ST6GALNAC3: variants seen among roughly 807,000 people sequenced by gnomAD.
ST6GALNAC3 encodes ST6 N-acetylgalactosaminide alpha-2,6-sialyltransferase 3.
ST6GALNAC3 carries 25 observed loss-of-function variants against 32.7 expected under a neutral mutation model. That is an observed-to-expected ratio of 0.76 (90% CI 0.56 to 1.07). The LOEUF (loss-of-function observed/expected upper bound fraction) is 1.07, where lower values mean the gene tolerates loss of function less well. Among genes scored for constraint, ST6GALNAC3 ranks in the 50% least tolerant of loss-of-function variants. ST6GALNAC3 has a pLI of 0.00. For missense variants in ST6GALNAC3, 355 were observed against 382.4 expected, an observed-to-expected ratio of 0.93 and a Z score of 0.60; for synonymous variants, 129 against 133.1, an observed-to-expected ratio of 0.97 and a Z score of 0.21.
Position 76,152,002 on chromosome 1 carries a change from A to T in ST6GALNAC3, c.18+77118A>T, listed in dbSNP as rs114163366. ...CTTAAGGCAGAAATTTAAATTTGTGATGACTTTTGAGGCATACTGTACCTG... is the reference window on the plus strand; with the variant it reads ...CTTAAGGCAGAAATTTAAATTTGTGTTGACTTTTGAGGCATACTGTACCTG... On this transcript the variant is annotated intron_variant, in intron 1 of 4. Coordinates refer to ENST00000328299, the MANE Select transcript of ST6GALNAC3 (RefSeq NM_152996.4). Among the ~76,000 whole-genome samples the T allele has an allele frequency of 6.7e-3, 1,025 of 152,226 alleles. 17 individuals carry two copies. Among genetic ancestry groups the T allele is most frequent in the African/African-American group, 0.024 (976 of 41,530 alleles).
At chr1:76,196,268 C>G (rs928568247) in intron 1 of ST6GALNAC3, among the ~76,000 whole-genome samples, 1 of 152,092 alleles carries the variant, frequency 6.6e-6, no homozygotes, top group Non-Finnish European at 1.5e-5. Context: ...ATTGCTGGGC[C>G]TTGCTTCTGG....
intron 1 of ST6GALNAC3, among the ~76,000 whole-genome samples, chr1:76,308,915 A>G (rs1473011855): frequency 2.0e-5 from 3 of 152,222 alleles, no homozygotes; most frequent in Non-Finnish European, 4.4e-5. Context: ...AACTCTGTCT[A>G]GAATCATCTC....
At position 76,350,680 on chromosome 1, in the gene ST6GALNAC3, T is replaced by C. The variant is rs115274695; in HGVS notation, c.213+36681T>C. Among the ~76,000 whole-genome samples, 468 of 152,292 alleles carry C rather than the reference T, an allele frequency of 3.1e-3. 3 individuals are homozygous for C. Among genetic ancestry groups the C allele is most frequent in the African/African-American group, 0.01 (430 of 41,554 alleles). ...GGCTTCATAGATAAGCCTTGTGTTA[T>C]ATCAACTCTGTGACATAGATTAAAA... On this transcript the variant is annotated intron_variant, in intron 2 of 4. Coordinates refer to ENST00000328299, the MANE Select transcript of ST6GALNAC3 (RefSeq NM_152996.4).
At chr1:76,562,076 T>A (rs1188683422) in intron 3 of ST6GALNAC3, among the ~76,000 whole-genome samples, 1 of 152,142 alleles carries the variant, frequency 6.6e-6, no homozygotes, top group African/African-American at 2.4e-5. Flanking sequence ...AGTTGTTTCC[T>A]GGGGCTGGGA....
chr1:76,086,456 A>C (rs992402255), intron 1 of ST6GALNAC3, among the ~76,000 whole-genome samples: 3 of 152,142 alleles, frequency 2.0e-5, no homozygotes, highest in African/African-American at 7.2e-5. Flanking sequence ...CTAGAGGCTC[A>C]TATTTGTGTA....
At chr1:76,467,078 A>AT (rs927822645) in intron 3 of ST6GALNAC3, among the ~76,000 whole-genome samples, 2 of 152,076 alleles carry the variant, frequency 1.3e-5, no homozygotes, top group African/African-American at 4.8e-5. Context: ...GAGAATTGGC[A>AT]TTTATATGAT....
chr1:76,414,250 C>G (rs1036314798), intron 3 of ST6GALNAC3, among the ~76,000 whole-genome samples: 1 of 151,902 alleles, frequency 6.6e-6, no homozygotes, highest in African/African-American at 2.4e-5. Flanking sequence ...GTAGAGTTAC[C>G]AAAATGAGAG....
chr1:76,192,182 G>A (rs1266012749), intron 1 of ST6GALNAC3, among the ~76,000 whole-genome samples: 1 of 152,132 alleles, frequency 6.6e-6, no homozygotes, highest in Non-Finnish European at 1.5e-5. Context: ...TAAAATGTGG[G>A]ACTGTTTTGA....
intron 3 of ST6GALNAC3, among the ~76,000 whole-genome samples, chr1:76,451,647 A>G (rs1364007546): frequency 3.3e-5 from 5 of 152,106 alleles, no homozygotes; most frequent in Non-Finnish European, 7.4e-5. Flanking sequence ...TTGGTTAGGT[A>G]TATTCCTAAG....
intron 3 of ST6GALNAC3, among the ~76,000 whole-genome samples, chr1:76,443,289 G>A (rs996067710): frequency 4.4e-4 from 67 of 152,110 alleles, no homozygotes; most frequent in Non-Finnish European, 5.7e-4. Flanking sequence ...AAGTAGCTGG[G>A]ACTATAGGCA....
At position 76,412,241 on chromosome 1, in the gene ST6GALNAC3, T is replaced by C; in HGVS notation, c.447T>C (p.Thr149=). Residue 149 remains threonine, a synonymous_variant, in exon 3 of 5, where the codon ACT becomes ACC. Transcript: ENST00000328299. ...NPDYFFKEAN[T]TIYVIWGPFR... ...ATTATTTTTTCAAGGAAGCGAATAC[T>C]ACTATTTATGTTATTTGGGGACCTT... 6.2e-7 allele frequency: 1 copy of C among 1,613,782 alleles called. No individual in the cohort carries two copies.
intron 1 of ST6GALNAC3, among the ~76,000 whole-genome samples, chr1:76,161,565 A>G (rs1046892715): frequency 3.9e-5 from 6 of 152,302 alleles, no homozygotes; most frequent in African/African-American, 1.4e-4. Context: ...CTAATCACCC[A>G]AGGATGCTTT....
chr1:76,413,059 C>A, intron 3 of ST6GALNAC3: 2 of 303,082 alleles, frequency 6.6e-6, no homozygotes, highest in South Asian at 2.9e-5. Context: ...TTTATTACAT[C>A]CATGTTTTTT....
At chr1:76,602,354 T>C (rs1464160277) in intron 3 of ST6GALNAC3, among the ~76,000 whole-genome samples, 1 of 152,000 alleles carries the variant, frequency 6.6e-6, no homozygotes, top group Non-Finnish European at 1.5e-5. Flanking sequence ...CGTGTGCCTG[T>C]GCATGTAGAA....
At chr1:76,291,230 G>A (rs750193384) in intron 1 of ST6GALNAC3, among the ~76,000 whole-genome samples, 21 of 152,238 alleles carry the variant, frequency 1.4e-4, no homozygotes, top group Non-Finnish European at 2.9e-4. Context: ...ACGGCATATC[G>A]AAAGGGTTTC....
chr1:76,456,576 A>G (rs1027583915), intron 3 of ST6GALNAC3, among the ~76,000 whole-genome samples: 3 of 152,226 alleles, frequency 2.0e-5, no homozygotes, highest in African/African-American at 7.2e-5. Context: ...GTAATCCAGC[A>G]TATATACAGA....
intron 2 of ST6GALNAC3, among the ~76,000 whole-genome samples, chr1:76,331,599 GT>G (rs1244816972): frequency 2.6e-5 from 4 of 152,100 alleles, no homozygotes; most frequent in Non-Finnish European, 4.4e-5. Context: ...CCAATCATTT[GT>G]TTCACCAATT....
intron 3 of ST6GALNAC3, among the ~76,000 whole-genome samples, chr1:76,620,681 T>G (rs1648578796): frequency 6.6e-6 from 1 of 152,036 alleles, no homozygotes; most frequent in Admixed American, 6.6e-5. Flanking sequence ...GCTAATCTCA[T>G]GTAAAGCTAA....
At chr1:76,347,070 C>G (rs1359237553) in intron 2 of ST6GALNAC3, among the ~76,000 whole-genome samples, 2 of 96,230 alleles carry the variant, frequency 2.1e-5, no homozygotes, top group Non-Finnish European at 5.4e-5. Flanking sequence ...GTCTAATGAG[C>G]CGTCCTAAGG....
Sources: gnomAD v4.1 joint callset for allele counts (sites outside exome capture counted in the v4.1 genomes callset) on GRCh38, gnomAD v4.1.1 for gene constraint, MANE v1.5 for transcripts, NCBI Gene and HGNC (gene_info 2026-07-23, HGNC 2026-07-21) for gene names.